The following NCOA2 variants were observed in gnomAD, a reference collection of about 807,000 sequenced individuals.
NCOA2 encodes the protein nuclear receptor coactivator 2.
NCOA2 carries 21 observed loss-of-function variants against 145.1 expected under a neutral mutation model. The observed-to-expected ratio is 0.14, with a 90% CI of 0.10 to 0.21. The LOEUF is 0.21. Among genes scored for constraint, NCOA2 ranks in the 10% least tolerant of loss-of-function variants. The probability of loss-of-function intolerance (pLI) is 1.00; values close to 1 mark genes in which losing one functional copy is unlikely to be tolerated. For synonymous variants in NCOA2, 619 were observed against 637.5 expected, an observed-to-expected ratio of 0.97 and a Z score of 0.44; for missense variants, 1,472 against 1,837.6, an observed-to-expected ratio of 0.80 and a Z score of 3.64.
chr8:70,200,066 A>G lies in NCOA2; in HGVS notation c.259+13837T>C, dbSNP rs560508119. 7.2e-5 allele frequency among the ~76,000 whole-genome samples: 11 copies of G among 152,294 alleles called. No homozygotes were observed. The East Asian group carries it at 2.1e-3, about 29-fold the overall frequency. On this transcript the variant is annotated intron_variant, in intron 4 of 22. Transcript: ENST00000452400. The stretch of plus-strand genomic sequence containing the variant: ...TATAACAACTATGTATATAGCATTT[A>G]TATTGTTTTACATATTATATAATAA...
At chr8:70,443,991 A>G in the NCOA2 span, among the ~76,000 whole-genome samples, 1 of 152,264 alleles carries the variant, frequency 6.6e-6, no homozygotes, top group East Asian at 1.9e-4. Context: ...ACACACACGC[A>G]CACACACAGA....
Position 70,121,340 on chromosome 8 carries a change from C to CA in NCOA2, c.4344dup (p.Gly1449TrpfsTer6). ...CCCTCCTGCTTAATCATATCCATTC[C>CA]AGGCAGCTGGTTTGGGAACAGGTTG... is the stretch of plus-strand genomic sequence containing the variant. On this transcript the variant is annotated frameshift_variant, in exon 22 of 23. Transcript: ENST00000452400. LOFTEE classifies it high-confidence loss of function. The CA allele has an allele frequency of 6.2e-7, 1 of 1,613,100 alleles. No individual in the cohort carries two copies. Among genetic ancestry groups the CA allele is most frequent in the Non-Finnish European group, 8.5e-7 (1 of 1,179,508 alleles).
At chr8:70,338,457 C>T (rs1209765841) in intron 1 of NCOA2, among the ~76,000 whole-genome samples, 1 of 151,952 alleles carries the variant, frequency 6.6e-6, no homozygotes, top group Non-Finnish European at 1.5e-5. Context: ...AATAGCCTAC[C>T]AACCAAAAAA....
chr8:70,429,785 A>G, the NCOA2 span, among the ~76,000 whole-genome samples: 1 of 152,250 alleles, frequency 6.6e-6, no homozygotes, highest in Non-Finnish European at 1.5e-5. Context: ...TTGTACACTC[A>G]AAAAGAATGT....
chr8:70,304,856 CTTT>C (rs34611471), intron 1 of NCOA2, among the ~76,000 whole-genome samples: 17 of 125,676 alleles, frequency 1.4e-4, no homozygotes, highest in Admixed American at 3.3e-4. Context: ...AAGTAACTAG[CTTT>C]TTTTTTTTTT....
chr8:70,442,334 C>T, the NCOA2 span, among the ~76,000 whole-genome samples: 1 of 152,114 alleles, frequency 6.6e-6, no homozygotes, highest in Admixed American at 6.5e-5. Context: ...AGAACATTTA[C>T]CAACTTCCTC....
At chr8:70,288,054 TTATTTAAC>T (rs1826372658) in intron 2 of NCOA2, among the ~76,000 whole-genome samples, 1 of 152,184 alleles carries the variant, frequency 6.6e-6, no homozygotes, top group Non-Finnish European at 1.5e-5. Context: ...ACTGGGCAAG[TTATTTAAC>T]TTCTCAGTGC....
chr8:70,406,776 C>T (rs1814788551), upstream of NCOA2, among the ~76,000 whole-genome samples: 1 of 152,134 alleles, frequency 6.6e-6, no homozygotes, highest in East Asian at 1.9e-4. Flanking sequence ...TCAAAGTACT[C>T]ACTTTTTTCA....
At chr8:70,200,836 C>T (rs1178277345) in intron 4 of NCOA2, among the ~76,000 whole-genome samples, 1 of 151,816 alleles carries the variant, frequency 6.6e-6, no homozygotes, top group Non-Finnish European at 1.5e-5. Flanking sequence ...GGTGGGAGGA[C>T]TGCTTCAGCT....
intron 1 of NCOA2, among the ~76,000 whole-genome samples, chr8:70,348,141 A>G (rs1808849982): frequency 1.3e-5 from 2 of 152,240 alleles, no homozygotes; most frequent in Admixed American, 6.5e-5. Flanking sequence ...CCTAAAAAGC[A>G]TAAAGAAAAG....
chr8:70,455,650 A>C, the NCOA2 span, among the ~76,000 whole-genome samples: 1 of 152,058 alleles, frequency 6.6e-6, no homozygotes, highest in Non-Finnish European at 1.5e-5. Context: ...TGGAAAAAAA[A>C]AATCACCCAA....
At chr8:70,416,926 G>A in the NCOA2 span, among the ~76,000 whole-genome samples, 2 of 152,150 alleles carry the variant, frequency 1.3e-5, no homozygotes, top group South Asian at 2.1e-4. Context: ...CAGATGTTAA[G>A]TTGATAATAC....
At chr8:70,310,456 G>A (rs1828233206) in intron 1 of NCOA2, among the ~76,000 whole-genome samples, 2 of 151,706 alleles carry the variant, frequency 1.3e-5, no homozygotes, top group Admixed American at 1.3e-4. Context: ...TTTGTAGTTT[G>A]TAGTATCTAA....
the NCOA2 span, among the ~76,000 whole-genome samples, chr8:70,420,422 C>A: frequency 6.6e-6 from 1 of 152,180 alleles, no homozygotes; most frequent in East Asian, 1.9e-4. Context: ...AGTCCCCCAA[C>A]CCCAGGTGAG....
Position 70,113,261 on chromosome 8 carries a change from C to A in NCOA2, c.*371G>T. 1 of 284,042 alleles carries A rather than the reference C, an allele frequency of 3.5e-6. No homozygotes were observed. Among genetic ancestry groups the A allele is most frequent in the Non-Finnish European group, 6.6e-6 (1 of 152,450 alleles). The allele number at this position is 284,042 out of a possible 1,614,324, so 17.6% of individuals were successfully genotyped here. A position where few individuals can be genotyped will look rare whatever the true frequency, so the allele number is the denominator to read the frequency against. ...AAAGCAAGAAACCAGTGTCTGGAAC[C>A]GAACAGGAACAGAACAAGAGCATGG... is the stretch of plus-strand genomic sequence containing the variant. On this transcript the variant is annotated 3_prime_UTR_variant, in exon 23 of 23. Transcript: ENST00000452400.
chr8:70,373,637 G>A (rs532267802), intron 1 of NCOA2, among the ~76,000 whole-genome samples: 1 of 151,858 alleles, frequency 6.6e-6, no homozygotes, highest in African/African-American at 2.4e-5. Context: ...ATATTATCTT[G>A]TGCTAAGTTT....
chr8:70,398,563 T>C (rs1226629017), intron 1 of NCOA2, among the ~76,000 whole-genome samples: 1 of 152,192 alleles, frequency 6.6e-6, no homozygotes, highest in Non-Finnish European at 1.5e-5. Context: ...AAGCATAAAT[T>C]CTGCCAGAAT....
chr8:70,254,784 A>G (rs1429555475), intron 2 of NCOA2, among the ~76,000 whole-genome samples: 1 of 152,154 alleles, frequency 6.6e-6, no homozygotes, highest in East Asian at 1.9e-4. Context: ...GTGAAGATGG[A>G]TGTTGTTGAT....
chr8:70,190,404 C>T (rs1162164648), intron 4 of NCOA2, among the ~76,000 whole-genome samples: 1 of 152,214 alleles, frequency 6.6e-6, no homozygotes, highest in Non-Finnish European at 1.5e-5. Context: ...CTAAATAAAA[C>T]TCATTGGTGT....
Sources: gnomAD v4.1 joint callset for allele counts (sites outside exome capture counted in the v4.1 genomes callset) on GRCh38, gnomAD v4.1.1 for gene constraint, MANE v1.5 for transcripts, NCBI Gene and HGNC (gene_info 2026-07-23, HGNC 2026-07-21) for gene names.